EML1: variants seen among roughly 807,000 people sequenced by gnomAD.
EML1 encodes the protein EMAP like 1, also known as echinoderm microtubule-associated protein-like 1.
In EML1, 27 loss-of-function variants were observed where a neutral mutation model predicts 110.4. The ratio of observed to expected loss-of-function variants is 0.24; its 90% CI spans 0.18 to 0.34. The LOEUF (loss-of-function observed/expected upper bound fraction) is 0.34, where lower values mean the gene tolerates loss of function less well. EML1 is among the 10% of genes least tolerant of loss of function. EML1 has a pLI of 1.00. For missense variants in EML1, 741 were observed against 1,030.9 expected (o/e 0.72, Z 3.85); for synonymous variants, 344 against 385.8 (o/e 0.89, Z 1.27).
chr14:99,763,533 C>A (rs1263162711), intron 1 of EML1, among the ~76,000 whole-genome samples: 1 of 152,154 alleles, frequency 6.6e-6, no homozygotes, highest in African/African-American at 2.4e-5. Flanking sequence ...GGCTGAAGCT[C>A]ACAGGCAGGA....
intron 15 of EML1, among the ~76,000 whole-genome samples, chr14:99,916,028 G>T (rs1387582724): frequency 6.6e-6 from 1 of 152,254 alleles, no homozygotes; most frequent in Admixed American, 6.5e-5. Flanking sequence ...GTGATGGCAG[G>T]AAAGGGCTAA....
In EML1 at chr14:99,874,791, C is replaced by G. The variant is rs2059261723; in HGVS notation, c.384-3694C>G. The G allele has an allele frequency of 7.1e-6, 4 of 559,604 alleles. No homozygotes were observed. In the Admixed American group the frequency reaches 1.1e-4, roughly 15 times the overall value. 34.7% of individuals were successfully genotyped at this position (559,604 alleles called of 1,614,324 possible). A position where few individuals can be genotyped will look rare whatever the true frequency, so the allele number is the denominator to read the frequency against. ...GAGTTGTGAAGGATTATATCCACGT[C>G]TATATTTGCGAACCAAAATGTCTTT... On this transcript the variant is annotated intron_variant, in intron 3 of 21. Coordinates refer to ENST00000262233, the MANE Select transcript of EML1 (RefSeq NM_004434.3).
chr14:99,909,303 C>T, intron 10 of EML1, 42 bp from the exon 11 acceptor site: 1 of 1,614,040 alleles, frequency 6.2e-7, no homozygotes, highest in Non-Finnish European at 8.5e-7. Flanking sequence ...TCTTACGCGT[C>T]TTAAGAGATG....
intron 1 of EML1, among the ~76,000 whole-genome samples, chr14:99,762,375 C>A (rs1341281698): frequency 6.6e-6 from 1 of 152,212 alleles, no homozygotes; most frequent in African/African-American, 2.4e-5. Flanking sequence ...AGAACTTACA[C>A]CACCAGAAGC....
intron 1 of EML1, among the ~76,000 whole-genome samples, chr14:99,767,175 A>G (rs138117611): frequency 1.1e-3 from 169 of 152,384 alleles, no homozygotes; most frequent in African/African-American, 4.0e-3. Context: ...TTTAAGGAGA[A>G]GAGCTGGGTT....
rs946677348 is a variant in EML1 at position 99,936,943 on chromosome 14, G to A, written c.2095+609G>A. ...CACTCTGGGCCACGCAGGGCGGCGC[G>A]TGGGCACAAGGAAGGCCTCGCTGCT... is the stretch of plus-strand genomic sequence containing the variant. On this transcript the variant is annotated intron_variant, in intron 19 of 21. Transcript: ENST00000262233. The surrounding 1 kb of genome is among the most constrained non-coding windows in gnomAD (Gnocchi z 5.5). Among the ~76,000 whole-genome samples, 8 of 152,218 alleles carry A rather than the reference G, an allele frequency of 5.3e-5. No homozygotes were observed. The highest frequency in any genetic ancestry group is 2.1e-4 in the South Asian group (1 of 4,838).
intron 1 of EML1, among the ~76,000 whole-genome samples, chr14:99,825,701 C>T (rs1442287603): frequency 6.6e-6 from 1 of 152,186 alleles, no homozygotes; most frequent in Non-Finnish European, 1.5e-5. Context: ...TAAGCGCTTA[C>T]TAGGAGTTTA....
chr14:99,785,767 G>A (rs1165096649), intron 1 of EML1, among the ~76,000 whole-genome samples: 1 of 148,762 alleles, frequency 6.7e-6, no homozygotes, highest in Non-Finnish European at 1.5e-5. Flanking sequence ...CAACGGAGAG[G>A]CTCCTTCACA....
intron 1 of EML1, among the ~76,000 whole-genome samples, chr14:99,824,500 T>C (rs1270950254): frequency 6.6e-6 from 1 of 151,422 alleles, no homozygotes; most frequent in African/African-American, 2.4e-5. Context: ...CATGGATCCC[T>C]GCATACACAT....
chr14:99,868,179 G>T (rs1327074991), intron 3 of EML1, among the ~76,000 whole-genome samples: 1 of 152,060 alleles, frequency 6.6e-6, no homozygotes, highest in Admixed American at 6.6e-5. Context: ...ATTTGTCATG[G>T]TATATAATCC....
Position 99,866,342 on chromosome 14 carries a change from G to A in EML1, c.383+696G>A, listed in dbSNP as rs936324296. 9.2e-5 allele frequency among the ~76,000 whole-genome samples: 14 copies of A among 152,182 alleles called. No individual in the cohort carries two copies. In the South Asian group the frequency reaches 1.0e-3, roughly 11 times the overall value. On this transcript the variant is annotated intron_variant, in intron 3 of 21. Transcript: ENST00000262233. ...TTCCAGCACTTTGGGAGGCCAAGGC[G>A]GGCAGATCATCTGTGGTCAGGAGTT...
At position 99,905,143 on chromosome 14, in the gene EML1, A is replaced by G. The variant is rs2059823066; in HGVS notation, c.1009-2495A>G. On this transcript the variant is annotated intron_variant, in intron 9 of 21. Transcript: ENST00000262233. This position sits in a 1 kb window ranked among gnomAD's most constrained non-coding sequence, Gnocchi z 4.1. ...GGTTCCCTTTCCCTGAGGCGGCCCT[A>G]GTGATCCAGCTGGCTGCACCACAGC... Among the ~76,000 whole-genome samples, 2 of 152,190 alleles carry G rather than the reference A, an allele frequency of 1.3e-5. No individual in the cohort carries two copies. The highest frequency in any genetic ancestry group is 2.9e-5 in the Non-Finnish European group (2 of 68,024).
At chr14:99,824,425 A>G (rs377405471) in intron 1 of EML1, among the ~76,000 whole-genome samples, 262 of 141,012 alleles carry the variant, frequency 1.9e-3, no homozygotes, top group South Asian at 2.7e-3. Context: ...TACACATACT[A>G]TGTACACACA....
At chr14:99,829,151 C>G (rs2058408857) in intron 1 of EML1, among the ~76,000 whole-genome samples, 1 of 152,194 alleles carries the variant, frequency 6.6e-6, no homozygotes, top group South Asian at 2.1e-4. Context: ...CTGGGCCCTT[C>G]TTTGGGCGCC....
At chr14:99,743,537 G>C (rs2057069097) in intron 1 of EML1, among the ~76,000 whole-genome samples, 1 of 152,198 alleles carries the variant, frequency 6.6e-6, no homozygotes, top group Admixed American at 6.5e-5. Flanking sequence ...CCTGAGAGAT[G>C]CTGATTTGTT....
chr14:99,866,570 CAAAAAAAAAAAAA>C (rs57796662), intron 3 of EML1, among the ~76,000 whole-genome samples: 11 of 80,112 alleles, frequency 1.4e-4, no homozygotes, highest in Non-Finnish European at 1.8e-4. Flanking sequence ...AACTCCATCT[CAAAAAAAAAAAAA>C]AAAAAAAAAA....
chr14:99,891,821 A>G (rs535891641), intron 5 of EML1, among the ~76,000 whole-genome samples: 1 of 152,332 alleles, frequency 6.6e-6, no homozygotes, highest in East Asian at 1.9e-4. Context: ...AATTGATGAA[A>G]TACATTCATT....
At chr14:99,789,042 T>G (rs888405711), upstream of EML1, among the ~76,000 whole-genome samples, 6 of 152,166 alleles carry the variant, frequency 3.9e-5, no homozygotes, top group Non-Finnish European at 7.4e-5. Flanking sequence ...GACCACATTT[T>G]GTTTAACCAT....
chr14:99,883,032 A>G (rs897475355), intron 4 of EML1, among the ~76,000 whole-genome samples: 1 of 152,152 alleles, frequency 6.6e-6, no homozygotes, highest in Non-Finnish European at 1.5e-5. Context: ...TTCAGGGCGC[A>G]AAGTTGTTTT....
Sources: allele counts gnomAD v4.1 joint callset (sites outside exome capture counted in the v4.1 genomes callset), GRCh38; gene constraint gnomAD v4.1.1; non-coding constraint Gnocchi (gnomAD v3.1); transcripts MANE v1.5; gene names NCBI Gene and HGNC (gene_info 2026-07-23, HGNC 2026-07-21).